The following LYPD6B variants were observed in gnomAD, a reference collection of about 807,000 sequenced individuals.
LYPD6B encodes LY6/PLAUR domain containing 6B, also known as ly6/PLAUR domain-containing protein 6B.
A neutral mutation model predicts 22.8 loss-of-function variants in LYPD6B; 17 were observed. That is an observed-to-expected ratio of 0.75 (90% CI 0.51 to 1.12). The LOEUF is 1.12. LYPD6B is among the 50% of genes most tolerant of loss of function. LYPD6B has a pLI of 0.00. For missense variants in LYPD6B, 221 were observed against 258.3 expected (o/e 0.86, Z 0.99); for synonymous variants, 106 against 91.6 (o/e 1.16, Z -0.90).
chr2:149,101,240 A>T (rs1686192882), intron 1 of LYPD6B: 4 of 152,302 alleles, frequency 2.6e-5, no homozygotes, highest in Admixed American at 6.5e-5. Context: ...GTAGCAGGTG[A>T]CAAGGCGAGC....
chr2:149,184,289 G>A (rs1368113240), intron 3 of LYPD6B, among the ~76,000 whole-genome samples: 1 of 152,178 alleles, frequency 6.6e-6, no homozygotes, highest in East Asian at 1.9e-4. Flanking sequence ...CTAATCCAGT[G>A]TGCAACATAA....
intron 1 of LYPD6B, among the ~76,000 whole-genome samples, chr2:149,129,050 A>G (rs1250748043): frequency 6.6e-6 from 1 of 152,128 alleles, no homozygotes; most frequent in Non-Finnish European, 1.5e-5. Flanking sequence ...TACAATGTTG[A>G]ATGGGTGAAT....
At chr2:149,164,237 C>T (rs1380634891) in intron 3 of LYPD6B, among the ~76,000 whole-genome samples, 1 of 152,078 alleles carries the variant, frequency 6.6e-6, no homozygotes, top group African/African-American at 2.4e-5. Flanking sequence ...TCAGAGCAAG[C>T]CTCTCTCTGC....
At chr2:149,183,019 CT>C (rs1691845661) in intron 3 of LYPD6B, among the ~76,000 whole-genome samples, 1 of 152,060 alleles carries the variant, frequency 6.6e-6, no homozygotes. Context: ...ACTAGAATAT[CT>C]TTAGGAAAAT....
intron 1 of LYPD6B, among the ~76,000 whole-genome samples, chr2:149,042,934 C>A (rs1330624771): frequency 6.6e-6 from 1 of 152,122 alleles, no homozygotes; most frequent in African/African-American, 2.4e-5. Context: ...TGCAGAATTT[C>A]TTTGATTGTT....
chr2:149,140,502 G>T (rs1427873635), intron 2 of LYPD6B, among the ~76,000 whole-genome samples: 4 of 152,166 alleles, frequency 2.6e-5, no homozygotes, highest in Admixed American at 2.6e-4. Context: ...AGGGGTGCCC[G>T]TTCAGCATGG....
intron 3 of LYPD6B, among the ~76,000 whole-genome samples, chr2:149,186,459 A>G (rs971351850): frequency 6.6e-6 from 1 of 152,234 alleles, no homozygotes; most frequent in African/African-American, 2.4e-5. Context: ...AGGTGGGTTC[A>G]TGAGGATGAA....
At chr2:149,194,860 C>T (rs1340810530) in intron 3 of LYPD6B, among the ~76,000 whole-genome samples, 3 of 152,098 alleles carry the variant, frequency 2.0e-5, no homozygotes, top group Non-Finnish European at 2.9e-5. Flanking sequence ...TCCCTTTCAC[C>T]GACTGGGATA....
chr2:149,131,367 T>C (rs1688017976), intron 2 of LYPD6B: 2 of 164,876 alleles, frequency 1.2e-5, no homozygotes, highest in South Asian at 3.5e-4. Context: ...TTGATTATTT[T>C]ATTTTCCTAT....
At chr2:149,141,728 AC>A (rs1261825286) in intron 2 of LYPD6B, among the ~76,000 whole-genome samples, 3 of 152,236 alleles carry the variant, frequency 2.0e-5, no homozygotes, top group African/African-American at 4.8e-5. Context: ...GGCAACTATA[AC>A]AAAGTAATAC....
intron 1 of LYPD6B, among the ~76,000 whole-genome samples, chr2:149,088,778 A>G (rs1685514470): frequency 6.6e-6 from 1 of 152,254 alleles, no homozygotes. Context: ...TTGACAACTT[A>G]GAGGATTTTT....
chr2:149,091,516 C>T (rs1685650153), intron 1 of LYPD6B, among the ~76,000 whole-genome samples: 1 of 151,922 alleles, frequency 6.6e-6, no homozygotes. Context: ...AATAACCATG[C>T]CAACAAAGTC....
At chr2:149,042,991 A>G (rs1372172922) in intron 1 of LYPD6B, among the ~76,000 whole-genome samples, 2 of 152,230 alleles carry the variant, frequency 1.3e-5, no homozygotes, top group Non-Finnish European at 2.9e-5. Context: ...ATGACTTACA[A>G]AAACATGGTA....
intron 1 of LYPD6B, among the ~76,000 whole-genome samples, chr2:149,072,527 ATT>A (rs1194184225): frequency 1.3e-4 from 20 of 149,964 alleles, no homozygotes; most frequent in Non-Finnish European, 2.2e-4. Flanking sequence ...ATTTTATTTT[ATT>A]TTATTTCATT....
chr2:149,073,309 T>A (rs1219487115), intron 1 of LYPD6B, among the ~76,000 whole-genome samples: 1 of 152,184 alleles, frequency 6.6e-6, no homozygotes, highest in Non-Finnish European at 1.5e-5. Context: ...TCACACCCAT[T>A]AGCTGGCAGG....
At chr2:149,122,916 C>G (rs901312457) in intron 1 of LYPD6B, among the ~76,000 whole-genome samples, 1 of 152,088 alleles carries the variant, frequency 6.6e-6, no homozygotes, top group Non-Finnish European at 1.5e-5. Context: ...ACATGGTTTC[C>G]GTGTCTGCAT....
chr2:149,151,664 G>C (rs390596), intron 2 of LYPD6B, among the ~76,000 whole-genome samples: 98,724 of 151,976 alleles, frequency 0.65, 32,228 homozygotes, highest in South Asian at 0.76. Context: ...TTCTGGGTGT[G>C]TTGTTAGCAA....
At chr2:149,120,383 A>ATTTTTTTTTTTTTT (rs869074241) in intron 1 of LYPD6B, among the ~76,000 whole-genome samples, 1 of 48,612 alleles carries the variant, frequency 2.1e-5, no homozygotes, top group African/African-American at 1.1e-4. Context: ...ATATATATAT[A>ATTTTTTTTTTTTTT]TTTTTTTTTT....
At chr2:149,107,935 T>G (rs1278854762) in intron 1 of LYPD6B, among the ~76,000 whole-genome samples, 4 of 152,228 alleles carry the variant, frequency 2.6e-5, no homozygotes, top group Non-Finnish European at 5.9e-5. Flanking sequence ...TATCAATTAT[T>G]GAAAGAGGGG....
Sources: gnomAD v4.1 joint callset for allele counts (sites outside exome capture counted in the v4.1 genomes callset) on GRCh38, gnomAD v4.1.1 for gene constraint, MANE v1.5 for transcripts, NCBI Gene and HGNC (gene_info 2026-07-23, HGNC 2026-07-21) for gene names.